TUBG1: variants seen among roughly 807,000 people sequenced by gnomAD.
TUBG1 encodes tubulin gamma-1 chain.
A neutral mutation model predicts 53.3 loss-of-function variants in TUBG1; 22 were observed. That is an observed-to-expected ratio of 0.41 (90% CI 0.29 to 0.59). The LOEUF is 0.59. TUBG1 is among the 20% of genes least tolerant of loss of function. TUBG1 has a pLI of 0.26. For synonymous variants in TUBG1, 198 were observed against 236.7 expected (o/e 0.84, Z 1.50); for missense variants, 217 against 598.9 (o/e 0.36, Z 6.66).
At chr17:42,612,606 G>T in intron 5 of TUBG1, 100 bp downstream of exon 5, 1 of 1,161,100 alleles carries the variant, frequency 8.6e-7, no homozygotes, top group Admixed American at 1.8e-5. Context: ...GAACAGGAAA[G>T]AGTTCTTATA....
intron 5 of TUBG1, 118 bp from the exon 6 acceptor site, chr17:42,612,828 AT>A (rs1017269364): frequency 1.4e-6 from 2 of 1,404,128 alleles, no homozygotes; most frequent in African/African-American, 1.4e-5. Flanking sequence ...TTCTCTACTG[AT>A]TTGACCCCAC....
Position 42,614,039 on chromosome 17 carries a change from G to A in TUBG1, c.843+41G>A. On this transcript the variant is annotated intron_variant, in intron 8 of 10. Coordinates refer to ENST00000251413, the MANE Select transcript of TUBG1 (RefSeq NM_001070.5). The surrounding 1 kb of genome is among the most constrained non-coding windows in gnomAD (Gnocchi z 5.1). ...AGTGTCCCAGGCCAGGCCGGCCCTG[G>A]GCCCAACAGGCCCTGTCCTAGCCTT... 2 of 1,613,694 alleles carry A rather than the reference G, an allele frequency of 1.2e-6. No individual in the cohort carries two copies. The highest frequency in any genetic ancestry group is 1.7e-6 in the Non-Finnish European group (2 of 1,179,770).
intron 5 of TUBG1, 49 bp downstream of exon 5, chr17:42,612,555 A>T (rs1372171634): frequency 1.9e-6 from 3 of 1,560,582 alleles, no homozygotes; most frequent in Middle Eastern, 1.7e-4. Context: ...TGGCTTCCTA[A>T]ATGACTAGGG....
rs13663 is a variant in TUBG1, at chr17:42,614,922, A to G, written c.1237A>G (p.Met413Val). 3.1e-6 allele frequency: 5 copies of G among 1,614,248 alleles called. No homozygotes were observed. Among genetic ancestry groups the G allele is most frequent in the Non-Finnish European group, 3.4e-6 (4 of 1,180,034 alleles). ...AFLEQFRKED[M>V]FKDNFDEMDT... is the part of the protein sequence containing the mutation. The stretch of plus-strand genomic sequence containing the variant: ...CCTGGAGCAGTTCCGCAAGGAGGAC[A>G]TGTTCAAGGACAACTTTGATGAGAT... The change falls in exon 11 of 11, where the codon ATG becomes GTG. Residue 413 changes from methionine (M) to valine (V), a missense_variant. Around this residue, in one of 4 missense-constraint regions of TUBG1, gnomAD observed 135 missense variants for 371.2 expected, o/e 0.36. Transcript: ENST00000251413. This position sits in a 1 kb window ranked among gnomAD's most constrained non-coding sequence, Gnocchi z 5.1.
chr17:42,615,053 C>T lies in TUBG1; in HGVS notation c.*12C>T, dbSNP rs1408055984. 9 of 1,613,542 alleles carry T rather than the reference C, an allele frequency of 5.6e-6. No individual in the cohort carries two copies. The Admixed American group carries it at 1.5e-4, about 27-fold the overall frequency. ...CCCAGGAGCAGTGAGTCCCCCAGGA[C>T]AGGGACCCTCATCTGCCTTACTGGT... On this transcript the variant is annotated 3_prime_UTR_variant, in exon 11 of 11. Transcript: ENST00000251413.
chr17:42,609,965 G>A (rs2052018144), intron 1 of TUBG1, 143 bp from the exon 2 acceptor site: 3 of 1,295,222 alleles, frequency 2.3e-6, no homozygotes, highest in Non-Finnish European at 3.2e-6. Context: ...AGTCCCTGGC[G>A]TACAGTCCTT....
chr17:42,613,539 C>A, intron 6 of TUBG1, 108 bp from the exon 7 acceptor site: 2 of 1,550,184 alleles, frequency 1.3e-6, no homozygotes, highest in Non-Finnish European at 1.8e-6. Flanking sequence ...TCCAGTGAGT[C>A]TTTCTGGCCA....
At chr17:42,612,363 G>A (rs1172340821) in intron 4 of TUBG1, 64 bp from the exon 5 acceptor site, 1 of 1,559,950 alleles carries the variant, frequency 6.4e-7, no homozygotes, top group Admixed American at 1.8e-5. Context: ...AAAACTATGA[G>A]ATGGGTCTAG....
At position 42,613,813 on chromosome 17, in the gene TUBG1, AG is replaced by A. The variant is rs759885448; in HGVS notation, c.694-34del. On this transcript the variant is annotated intron_variant, in intron 7 of 10. Transcript: ENST00000251413. ...CATTTGGGGAAGGGAGGTCCCACCC[AG>A]GCTGAGGCCCATAACATGGCACGCC... is the stretch of plus-strand genomic sequence containing the variant. 2.2e-5 allele frequency: 35 copies of A among 1,614,166 alleles called. No individual in the cohort carries two copies. The East Asian group carries it at 7.4e-4, about 34-fold the overall frequency.
chr17:42,610,078 C>G, intron 1 of TUBG1, 30 bp from the exon 2 acceptor site: 9 of 1,613,248 alleles, frequency 5.6e-6, no homozygotes, highest in Non-Finnish European at 7.6e-6. Flanking sequence ...TAGATATCTT[C>G]TTTCTCCCCT....
At chr17:42,612,389 C>CTAGA in intron 4 of TUBG1, 38 bp from the exon 5 acceptor site, 1 of 1,603,094 alleles carries the variant, frequency 6.2e-7, no homozygotes, top group Non-Finnish European at 8.5e-7. Context: ...CATCCTGCCA[C>CTAGA]TAGATACCTG....
rs1305686417 is a variant in TUBG1, at chr17:42,614,158, T to C, written c.844-102T>C. ...CAGAGTGGGCGACTTTCTTGCTGAC[T>C]TGCTCTCCACCCTCCCTCTGCCTTT... On this transcript the variant is annotated intron_variant, in intron 8 of 10. Coordinates refer to ENST00000251413, the MANE Select transcript of TUBG1 (RefSeq NM_001070.5). The surrounding 1 kb of genome is among the most constrained non-coding windows in gnomAD (Gnocchi z 5.1). 5 of 1,591,306 alleles carry C rather than the reference T, an allele frequency of 3.1e-6. No individual in the cohort carries two copies. The East Asian group carries it at 9.0e-5, about 29-fold the overall frequency.
chr17:42,614,996 G>A lies in TUBG1; in HGVS notation c.1311G>A (p.Ala437=), dbSNP rs147870857. The change falls in exon 11 of 11, where the codon GCG becomes GCA. Residue 437 remains alanine, a synonymous_variant. Transcript: ENST00000251413. This position sits in a 1 kb window ranked among gnomAD's most constrained non-coding sequence, Gnocchi z 5.1. ...IVQQLIDEYH[A]ATRPDYISWG... ...AGCAGCTCATCGATGAGTACCATGC[G>A]GCCACACGGCCAGACTACATCTCCT... 190 of 1,614,100 alleles carry A rather than the reference G, an allele frequency of 1.2e-4. 1 individual carries two copies. In the African/African-American group the frequency reaches 2.0e-3, roughly 17 times the overall value.
Position 42,612,947 on chromosome 17 carries a change from G to T in TUBG1, c.480G>T (p.Arg160Ser). ...TGATCCTTTCCCCAACCCCCACCAG[G>T]TATCCTAAGAAGCTGGTGCAGACAT... ...GSYLLERLND[R>S]YPKKLVQTYS... Residue 160 changes from arginine (R) to serine (S), a missense_variant and splice_region_variant, in exon 6 of 11, where the codon AGG becomes AGT. By Grantham distance (110) the Arg-to-Ser change is moderately radical. Transcript: ENST00000251413. 3 of 1,613,920 alleles carry T rather than the reference G, an allele frequency of 1.9e-6. No individual in the cohort carries two copies. The highest frequency in any genetic ancestry group is 2.5e-6 in the Non-Finnish European group (3 of 1,179,902).
intron 6 of TUBG1, 106 bp from the exon 7 acceptor site, chr17:42,613,541 T>G: frequency 6.4e-7 from 1 of 1,556,670 alleles, no homozygotes; most frequent in Non-Finnish European, 8.8e-7. Flanking sequence ...CAGTGAGTCT[T>G]TCTGGCCATG....
chr17:42,610,855 T>C (rs941475678), intron 3 of TUBG1: 3 of 407,998 alleles, frequency 7.4e-6, no homozygotes, highest in Admixed American at 7.9e-5. Context: ...CAGTCCCTTA[T>C]CTGCCTTTCC....
chr17:42,611,926 C>A (rs780033784), intron 3 of TUBG1, 149 bp from the exon 4 acceptor site: 1 of 658,914 alleles, frequency 1.5e-6, no homozygotes, highest in Non-Finnish European at 2.7e-6. Context: ...ACCACTGCAC[C>A]GTACTGCCTC....
intron 3 of TUBG1, 108 bp from the exon 4 acceptor site, chr17:42,611,967 C>G: frequency 1.1e-6 from 1 of 950,480 alleles, no homozygotes; most frequent in South Asian, 1.4e-5. Context: ...TAGCTATGCT[C>G]CATAAAAGGA....
In TUBG1 at chr17:42,612,064, T is replaced by C. The variant is rs370411176; in HGVS notation, c.331-11T>C. The C allele has an allele frequency of 5.0e-6, 8 of 1,613,814 alleles. No individual in the cohort carries two copies. In the African/African-American group the frequency reaches 6.7e-5, roughly 13 times the overall value. On this transcript the variant is annotated splice_polypyrimidine_tract_variant and intron_variant, in intron 3 of 10. Coordinates refer to ENST00000251413, the MANE Select transcript of TUBG1 (RefSeq NM_001070.5). ...TCTGTCCCACTCTGACCCTCCCCTA[T>C]GTCTGTACAGGGAGAAAAGATCCAT...
Sources: gnomAD v4.1 joint callset for allele counts on GRCh38, gnomAD v4.1.1 for gene constraint, gnomAD v4.1.1 regional missense constraint, Gnocchi (gnomAD v3.1) non-coding constraint, MANE v1.5 for transcripts, NCBI Gene and HGNC (gene_info 2026-07-23, HGNC 2026-07-21) for gene names.